The following SMURF1 variants were observed in gnomAD, a reference collection of about 807,000 sequenced individuals.
The protein encoded by SMURF1 is SMAD specific E3 ubiquitin protein ligase 1.
A neutral mutation model predicts 98.0 loss-of-function variants in SMURF1; 44 were observed. The observed-to-expected ratio is 0.45, with a 90% CI of 0.35 to 0.58. The LOEUF (loss-of-function observed/expected upper bound fraction) is 0.58, where lower values mean the gene tolerates loss of function less well. Among genes scored for constraint, SMURF1 ranks in the 20% least tolerant of loss-of-function variants. The pLI is 0.00. For missense variants in SMURF1, 687 were observed against 938.4 expected (o/e 0.73, Z 3.50); for synonymous variants, 396 against 374.9 (o/e 1.06, Z -0.65).
chr7:99,143,357 G>C (rs1798181137), intron 1 of SMURF1, among the ~76,000 whole-genome samples: 1 of 144,476 alleles, frequency 6.9e-6, no homozygotes, highest in East Asian at 2.1e-4. Context: ...GAAAGGGCCT[G>C]GAAGGAGATG....
At chr7:99,079,681 A>G (rs1484768617) in intron 1 of SMURF1, among the ~76,000 whole-genome samples, 1 of 152,256 alleles carries the variant, frequency 6.6e-6, no homozygotes, top group East Asian at 1.9e-4. Context: ...CGCACTAAAT[A>G]TACATCCTAA....
intron 1 of SMURF1, among the ~76,000 whole-genome samples, chr7:99,071,823 C>T (rs1191292275): frequency 6.6e-6 from 1 of 152,128 alleles, no homozygotes; most frequent in Non-Finnish European, 1.5e-5. Flanking sequence ...CCTGTAATCC[C>T]AGCACTTTGG....
chr7:99,046,676 G>A (rs1160718212), intron 10 of SMURF1, among the ~76,000 whole-genome samples: 2 of 140,500 alleles, frequency 1.4e-5, no homozygotes, highest in African/African-American at 5.3e-5. Flanking sequence ...AGGTTGCAGT[G>A]AGCCGAGATC....
At chr7:99,078,281 GAAAAA>G (rs758770830) in intron 1 of SMURF1, among the ~76,000 whole-genome samples, 1 of 106,438 alleles carries the variant, frequency 9.4e-6, no homozygotes. Flanking sequence ...CAGCCTGGGC[GAAAAA>G]AAAAAAAAAA....
chr7:99,144,065 C>T lies in SMURF1; in HGVS notation c.-285G>A, dbSNP rs995497134. On this transcript the variant is annotated 5_prime_UTR_variant, in exon 1 of 18. Transcript: ENST00000361368. ...TCCGCCGCCTCCACCACCTCAGAGC[C>T]GGACGCCCGCCGCCCTCGCCGCTTC... 40 of 181,480 alleles carry T rather than the reference C, an allele frequency of 2.2e-4. No individual in the cohort carries two copies. The highest frequency in any genetic ancestry group is 1.6e-4 in the Non-Finnish European group (14 of 88,258). The allele number at this position is 181,480 out of a possible 1,614,324, so 11.2% of individuals were successfully genotyped here.
chr7:99,031,713 C>T (rs982474067), intron 17 of SMURF1, among the ~76,000 whole-genome samples: 4 of 152,244 alleles, frequency 2.6e-5, no homozygotes, highest in Non-Finnish European at 4.4e-5. Context: ...TACCCCATTT[C>T]ACAGGTGTGG....
At chr7:99,109,730 T>C (rs912993169) in intron 1 of SMURF1, among the ~76,000 whole-genome samples, 4 of 152,160 alleles carry the variant, frequency 2.6e-5, no homozygotes, top group African/African-American at 9.7e-5. Context: ...TCTGAGTGAG[T>C]CACCAAAGAT....
At chr7:99,052,551 G>T in intron 6 of SMURF1, 105 bp from the exon 7 acceptor site, 1 of 1,248,460 alleles carries the variant, frequency 8.0e-7, no homozygotes, top group Non-Finnish European at 1.0e-6. Flanking sequence ...AAATTGATTT[G>T]CTTTCCTTTA....
At chr7:99,113,432 C>A (rs1276755529) in intron 1 of SMURF1, among the ~76,000 whole-genome samples, 2 of 152,108 alleles carry the variant, frequency 1.3e-5, no homozygotes, top group African/African-American at 4.8e-5. Context: ...CCAGAACTAT[C>A]CTTCAAATAC....
chr7:99,058,072 G>A (rs2150535356), intron 3 of SMURF1, among the ~76,000 whole-genome samples: 1 of 152,240 alleles, frequency 6.6e-6, no homozygotes, highest in East Asian at 1.9e-4. Context: ...GGCAAATGTA[G>A]ATAACCACAC....
intron 1 of SMURF1, among the ~76,000 whole-genome samples, chr7:99,093,376 T>G (rs1796857152): frequency 6.6e-6 from 1 of 152,206 alleles, no homozygotes; most frequent in East Asian, 1.9e-4. Context: ...ACTCTCCTAC[T>G]TTGCTTTCAG....
At chr7:99,100,657 G>C (rs1248081699) in intron 1 of SMURF1, among the ~76,000 whole-genome samples, 1 of 152,220 alleles carries the variant, frequency 6.6e-6, no homozygotes, top group Non-Finnish European at 1.5e-5. Flanking sequence ...GACTAAAGCA[G>C]ATTTATTTGA....
At position 99,052,325 on chromosome 7, in the gene SMURF1, G is replaced by C; in HGVS notation, c.601C>G (p.Pro201Ala). Residue 201 changes from proline to alanine, a missense_variant, in exon 7 of 18, where the codon CCA becomes GCA. Physicochemically the swap from Pro to Ala is conservative, Grantham distance 27. This residue lies in a region of SMURF1 where 415 missense variants were observed against 508.4 expected (regional missense o/e 0.82). Coordinates refer to ENST00000361368, the MANE Select transcript of SMURF1 (RefSeq NM_181349.3). ...GGGNCRFVES[P>A]SQDQRLQAQR... ...GCCTGAAGTCTTTGATCTTGACTTGGGGACTCCACGAACCTGCAATTCCCT... is the reference window on the plus strand; with the variant it reads ...GCCTGAAGTCTTTGATCTTGACTTGCGGACTCCACGAACCTGCAATTCCCT... The C allele has an allele frequency of 6.2e-7, 1 of 1,612,830 alleles. No individual in the cohort carries two copies. Among genetic ancestry groups the C allele is most frequent in the South Asian group, 1.1e-5 (1 of 90,518 alleles).
chr7:99,124,345 T>C (rs559948463), intron 1 of SMURF1, among the ~76,000 whole-genome samples: 4 of 152,228 alleles, frequency 2.6e-5, no homozygotes, highest in Admixed American at 1.3e-4. Flanking sequence ...CAGTTTCCAT[T>C]TAAAAAGGCC....
chr7:99,094,625 G>T lies in SMURF1; in HGVS notation c.56-32788C>A, dbSNP rs915635241. Among the ~76,000 whole-genome samples the T allele has an allele frequency of 4.6e-5, 7 of 150,692 alleles. No individual in the cohort carries two copies. In the Admixed American group the frequency reaches 4.7e-4, roughly 10 times the overall value. On this transcript the variant is annotated intron_variant, in intron 1 of 17. Coordinates refer to ENST00000361368, the MANE Select transcript of SMURF1 (RefSeq NM_181349.3). ...TTGAGAGTTTCCTAAGCAAAAAAGT[G>T]GAGGGAGTGAAATGAAAATCTTAGG...
chr7:99,130,060 A>G (rs1797836478), intron 1 of SMURF1, among the ~76,000 whole-genome samples: 1 of 152,208 alleles, frequency 6.6e-6, no homozygotes. Flanking sequence ...TTTACAGATA[A>G]TCAGCATGTA....
chr7:99,071,313 G>A (rs1229424985), intron 1 of SMURF1, among the ~76,000 whole-genome samples: 3 of 152,198 alleles, frequency 2.0e-5, no homozygotes, highest in African/African-American at 7.2e-5. Flanking sequence ...ACCCGCCTCG[G>A]CCTCACAAAG....
Position 99,060,579 on chromosome 7 carries a change from T to G in SMURF1, c.203+20A>C. On this transcript the variant is annotated intron_variant, in intron 3 of 17. Transcript: ENST00000361368. Reference sequence around the variant, plus strand: ...GCTTTCCTGCCGCTCCGCATGGGGCTTACAGAACATTCAACTCACAGATCA... The same window carrying G: ...GCTTTCCTGCCGCTCCGCATGGGGCGTACAGAACATTCAACTCACAGATCA... 6.3e-7 allele frequency: 1 copy of G among 1,585,108 alleles called. No homozygotes were observed. Among genetic ancestry groups the G allele is most frequent in the Non-Finnish European group, 8.7e-7 (1 of 1,154,228 alleles).
intron 6 of SMURF1, among the ~76,000 whole-genome samples, chr7:99,053,342 A>G (rs966595074): frequency 1.3e-5 from 2 of 152,062 alleles, no homozygotes; most frequent in Non-Finnish European, 2.9e-5. Flanking sequence ...CCATCATCCA[A>G]TGTCCACTCT....
Sources: gnomAD v4.1 joint callset for allele counts (sites outside exome capture counted in the v4.1 genomes callset) on GRCh38, gnomAD v4.1.1 for gene constraint, gnomAD v4.1.1 regional missense constraint, MANE v1.5 for transcripts, NCBI Gene and HGNC (gene_info 2026-07-23, HGNC 2026-07-21) for gene names.